ACTN4: variants seen among roughly 807,000 people sequenced by gnomAD.
ACTN4 encodes the protein alpha-actinin-4.
ACTN4 carries 18 observed loss-of-function variants against 114.2 expected under a neutral mutation model. The ratio of observed to expected loss-of-function variants is 0.16; its 90% CI spans 0.11 to 0.23. The LOEUF is 0.23. Among genes scored for constraint, ACTN4 ranks in the 10% least tolerant of loss-of-function variants. ACTN4 has a pLI of 1.00. For synonymous variants in ACTN4, 515 were observed against 506.3 expected, an observed-to-expected ratio of 1.02 and a Z score of -0.23; for missense variants, 722 against 1,262.9, an observed-to-expected ratio of 0.57 and a Z score of 6.49.
intron 1 of ACTN4, among the ~76,000 whole-genome samples, chr19:38,695,126 C>T (rs763541030): frequency 6.6e-6 from 1 of 152,228 alleles, no homozygotes; most frequent in African/African-American, 2.4e-5. Context: ...CCTCCCGCCT[C>T]GGCCTCCTAA....
Position 38,731,323 on chromosome 19 carries a change from G to T in ACTN4, c.*1891G>T. ...TCAGGGAGGACATGAATGCCACAGG[G>T]TGTCACACCCCAACTCTGCCCCATC... On this transcript the variant is annotated 3_prime_UTR_variant, in exon 21 of 21. Transcript: ENST00000252699. 1.1e-6 allele frequency: 1 copy of T among 877,680 alleles called. No individual in the cohort carries two copies. The highest frequency in any genetic ancestry group is 1.4e-5 in the South Asian group (1 of 72,716). The allele number at this position is 877,680 out of a possible 1,614,324, so 54.4% of individuals were successfully genotyped here.
In ACTN4 at chr19:38,725,805, G is replaced by A. The variant is rs1206014802; in HGVS notation, c.2092G>A (p.Val698Met). The A allele has an allele frequency of 5.0e-6, 8 of 1,614,076 alleles. No individual in the cohort carries two copies. Among genetic ancestry groups the A allele is most frequent in the African/African-American group, 1.3e-5 (1 of 74,948 alleles). The change falls in exon 17 of 21, where the codon GTG becomes ATG. Residue 698 changes from valine to methionine, a missense_variant. Coordinates refer to ENST00000252699, the MANE Select transcript of ACTN4 (RefSeq NM_004924.6). ...CCTGAAGCAGTATGAACGCAGCATC[G>A]TGGACTACAAGCCCAACCTGGACCT... is the stretch of plus-strand genomic sequence containing the variant. ...SHLKQYERSI[V>M]DYKPNLDLLE... is the part of the protein sequence containing the mutation.
In ACTN4 at chr19:38,709,446, C is replaced by T; in HGVS notation, c.703C>T (p.Leu235Phe). 6.2e-7 allele frequency: 1 copy of T among 1,614,200 alleles called. No individual in the cohort carries two copies. Among genetic ancestry groups the T allele is most frequent in the Non-Finnish European group, 8.5e-7 (1 of 1,180,010 alleles). The change falls in exon 7 of 21, where the codon CTC becomes TTC. Residue 235 changes from leucine to phenylalanine, a missense_variant. Around this residue, in one of 3 missense-constraint regions of ACTN4, gnomAD observed 127 missense variants for 311.3 expected, o/e 0.41. Coordinates refer to ENST00000252699, the MANE Select transcript of ACTN4 (RefSeq NM_004924.6). ...TGCCTTCGAAGTGGCTGAGAAATAC[C>T]TCGACATCCCCAAGATGCTGGATGC... ...NNAFEVAEKY[L>F]DIPKMLDAED...
intron 19 of ACTN4, among the ~76,000 whole-genome samples, chr19:38,728,556 G>A (rs1210467623): frequency 1.3e-5 from 2 of 151,722 alleles, no homozygotes; most frequent in East Asian, 1.9e-4. Context: ...TGCATCTGCC[G>A]GGGTGGGGTC....
Position 38,717,109 on chromosome 19 carries a change from C to T in ACTN4, c.936C>T (p.Thr312=), listed in dbSNP as rs778625571. The change falls in exon 10 of 21, where the codon ACC becomes ACT. Residue 312 remains threonine, a synonymous_variant. Transcript: ENST00000252699. This position sits in a 1 kb window ranked among gnomAD's most constrained non-coding sequence, Gnocchi z 4.0. ...ASDLLEWIRR[T]IPWLEDRVPQ... ...AGCTCCTGGAGTGGATCCGGCGCACCATCCCCTGGCTGGAGGACCGTGTGC... is the reference window on the plus strand; with the variant it reads ...AGCTCCTGGAGTGGATCCGGCGCACTATCCCCTGGCTGGAGGACCGTGTGC... The T allele has an allele frequency of 1.2e-6, 2 of 1,613,874 alleles. No homozygotes were observed. Among genetic ancestry groups the T allele is most frequent in the Non-Finnish European group, 1.7e-6 (2 of 1,179,994 alleles).
At chr19:38,714,675 C>A in intron 9 of ACTN4, 114 bp downstream of exon 9, 1 of 1,098,978 alleles carries the variant, frequency 9.1e-7, no homozygotes, top group Non-Finnish European at 1.4e-6. Flanking sequence ...GAAAAGGCTG[C>A]GTGGTCACAG....
chr19:38,658,271 T>C (rs892771944), intron 1 of ACTN4, among the ~76,000 whole-genome samples: 4 of 151,742 alleles, frequency 2.6e-5, no homozygotes, highest in African/African-American at 9.7e-5. Flanking sequence ...AGAAGAGTGC[T>C]TTTTTTCTCT....
At chr19:38,674,670 G>A (rs1302711155) in intron 1 of ACTN4, among the ~76,000 whole-genome samples, 1 of 152,162 alleles carries the variant, frequency 6.6e-6, no homozygotes, top group Non-Finnish European at 1.5e-5. Flanking sequence ...AGGCCCCTCA[G>A]TCAGTAAAAG....
intron 3 of ACTN4, among the ~76,000 whole-genome samples, chr19:38,704,464 T>C (rs1968386258): frequency 6.6e-6 from 1 of 152,206 alleles, no homozygotes. Flanking sequence ...TAAACAATAA[T>C]GTAGTGCACA....
At chr19:38,701,997 C>T (rs761493979) in intron 3 of ACTN4, among the ~76,000 whole-genome samples, 7 of 152,194 alleles carry the variant, frequency 4.6e-5, no homozygotes, top group Non-Finnish European at 1.0e-4. Flanking sequence ...ATGAGGGGTG[C>T]CAAGCCTTGC....
At position 38,708,147 on chromosome 19, in the gene ACTN4, G is replaced by A. The variant is rs1218562487; in HGVS notation, c.603G>A (p.Leu201=). Residue 201 remains leucine (L), a synonymous_variant, in exon 6 of 21, where the codon CTG becomes CTA. Transcript: ENST00000252699. ...AGGATGGTCTTGCCTTCAATGCCCTGATCCACCGGCACAGACCAGAGCTGA... is the reference window on the plus strand; with the variant it reads ...AGGATGGTCTTGCCTTCAATGCCCTAATCCACCGGCACAGACCAGAGCTGA... The part of the protein sequence containing the change: ...SWKDGLAFNA[L]IHRHRPELIE... 6.2e-7 allele frequency: 1 copy of A among 1,614,140 alleles called. No individual in the cohort carries two copies. Among genetic ancestry groups the A allele is most frequent in the Non-Finnish European group, 8.5e-7 (1 of 1,180,012 alleles).
intron 4 of ACTN4, 22 bp from the exon 5 acceptor site, chr19:38,706,022 A>AGG: frequency 6.2e-7 from 1 of 1,613,216 alleles, no homozygotes; most frequent in Non-Finnish European, 8.5e-7. Context: ...GCCAGTGCTC[A>AGG]CTGTCTTTGT....
rs1969400035 is a variant in ACTN4 at position 38,729,494 on chromosome 19, A to G, written c.*62A>G. 1 of 1,350,674 alleles carries G rather than the reference A, an allele frequency of 7.4e-7. No homozygotes were observed. Among genetic ancestry groups the G allele is most frequent in the South Asian group, 1.1e-5 (1 of 87,024 alleles). The allele number at this position is 1,350,674 out of a possible 1,614,324, so 83.7% of individuals were successfully genotyped here. A position where few individuals can be genotyped will look rare whatever the true frequency, so the allele number is the denominator to read the frequency against. ...CCAGGAGGGGCCTGGGCAGCCCCAC[A>G]GTCCCATTCCTCCACTCTGTATCTA... On this transcript the variant is annotated 3_prime_UTR_variant, in exon 21 of 21. Coordinates refer to ENST00000252699, the MANE Select transcript of ACTN4 (RefSeq NM_004924.6).
intron 1 of ACTN4, among the ~76,000 whole-genome samples, chr19:38,683,560 C>G (rs1568700732): frequency 6.6e-6 from 1 of 152,240 alleles, no homozygotes; most frequent in Non-Finnish European, 1.5e-5. Flanking sequence ...CCCCCCTTCT[C>G]TAAAAGACAC....
intron 16 of ACTN4, among the ~76,000 whole-genome samples, chr19:38,725,325 C>T (rs570649290): frequency 3.3e-5 from 5 of 152,248 alleles, no homozygotes; most frequent in African/African-American, 1.2e-4. Flanking sequence ...ATGGAGTGCC[C>T]GAGGTCAGGA....
At chr19:38,673,507 G>T (rs8182560) in intron 1 of ACTN4, among the ~76,000 whole-genome samples, 11,113 of 50,088 alleles carry the variant, frequency 0.22, 1,685 homozygotes, top group Non-Finnish European at 0.32. Context: ...TTATATATAT[G>T]AATATATATT....
chr19:38,682,779 C>T (rs1247490755), intron 1 of ACTN4, among the ~76,000 whole-genome samples: 1 of 152,216 alleles, frequency 6.6e-6, no homozygotes, highest in Non-Finnish European at 1.5e-5. Context: ...TCCAGCCACA[C>T]TCACCAGGCC....
intron 1 of ACTN4, among the ~76,000 whole-genome samples, chr19:38,690,608 C>T (rs1331090887): frequency 6.6e-6 from 1 of 152,180 alleles, no homozygotes; most frequent in Non-Finnish European, 1.5e-5. Flanking sequence ...CAGCCACTAC[C>T]AACTTGGGAG....
chr19:38,729,684 G>A lies in ACTN4; in HGVS notation c.*252G>A. ...GTCTGGTAAATATGTATGATGTGTT[G>A]TGCTTTTTTAACCAAGGAGGGGCCA... On this transcript the variant is annotated 3_prime_UTR_variant, in exon 21 of 21. Coordinates refer to ENST00000252699, the MANE Select transcript of ACTN4 (RefSeq NM_004924.6). 2.9e-6 allele frequency: 2 copies of A among 683,022 alleles called. No individual in the cohort carries two copies. The highest frequency in any genetic ancestry group is 5.3e-6 in the Non-Finnish European group (2 of 376,506). The allele number at this position is 683,022 out of a possible 1,614,324, so 42.3% of individuals were successfully genotyped here.
Sources: gnomAD v4.1 joint callset for allele counts (sites outside exome capture counted in the v4.1 genomes callset) on GRCh38, gnomAD v4.1.1 for gene constraint, gnomAD v4.1.1 regional missense constraint, Gnocchi (gnomAD v3.1) non-coding constraint, MANE v1.5 for transcripts, NCBI Gene and HGNC (gene_info 2026-07-23, HGNC 2026-07-21) for gene names.